Variants in FAM120B observed in about 807,000 individuals in gnomAD.
The protein encoded by FAM120B is constitutive coactivator of peroxisome proliferator-activated receptor gamma.
Under a neutral mutation model 96.3 loss-of-function variants are expected in FAM120B, and 83 were observed. The observed-to-expected ratio is 0.86, with a 90% CI of 0.72 to 1.03. The LOEUF (loss-of-function observed/expected upper bound fraction) is 1.03, where lower values mean the gene tolerates loss of function less well. FAM120B is among the 50% of genes least tolerant of loss of function. The probability of loss-of-function intolerance (pLI) is 0.00; values close to 1 mark genes in which losing one functional copy is unlikely to be tolerated. For missense variants in FAM120B, 1,027 were observed against 1,121.2 expected, an observed-to-expected ratio of 0.92 and a Z score of 1.20; for synonymous variants, 407 against 402.7, an observed-to-expected ratio of 1.01 and a Z score of -0.13.
chr6:170,343,121 G>T (rs534792830), intron 4 of FAM120B, among the ~76,000 whole-genome samples: 1 of 152,178 alleles, frequency 6.6e-6, no homozygotes, highest in Non-Finnish European at 1.5e-5. Context: ...ACCACTAGAA[G>T]AGAAGTGATC....
Position 170,391,098 on chromosome 6 carries a change from C to G in FAM120B, c.2576C>G (p.Ala859Gly). 1 of 1,614,038 alleles carries G rather than the reference C, an allele frequency of 6.2e-7. No homozygotes were observed. The highest frequency in any genetic ancestry group is 8.5e-7 in the Non-Finnish European group (1 of 1,179,896). The change falls in exon 8 of 11, where the codon GCC (alanine) becomes GGC (glycine). Residue 859 changes from alanine (A) to glycine (G), a missense_variant. Transcript: ENST00000476287. ...MKENRRITGRAHWGSHHAGRW... is the reference protein window; with the variant it reads ...MKENRRITGRGHWGSHHAGRW... ...GAGAACAGACGCATCACTGGCCGAGCCCACTGGGGCTCACACCACGCAGGT... is the reference window on the plus strand; with the variant it reads ...GAGAACAGACGCATCACTGGCCGAGGCCACTGGGGCTCACACCACGCAGGT...
chr6:170,395,690 G>C, intron 9 of FAM120B, 111 bp downstream of exon 9: 1 of 719,810 alleles, frequency 1.4e-6, no homozygotes. Flanking sequence ...TATAGTTCCA[G>C]TAAATAAACA....
chr6:170,359,478 C>G (rs753605345), intron 6 of FAM120B, among the ~76,000 whole-genome samples: 1 of 151,736 alleles, frequency 6.6e-6, no homozygotes, highest in Non-Finnish European at 1.5e-5. Flanking sequence ...TGCAATGGCT[C>G]AGTCCCTGCT....
chr6:170,353,606 A>C (rs765799464), intron 5 of FAM120B, among the ~76,000 whole-genome samples: 3 of 152,156 alleles, frequency 2.0e-5, no homozygotes, highest in Non-Finnish European at 2.9e-5. Flanking sequence ...CTCGGGATAT[A>C]AAATCGCCAG....
upstream of FAM120B, among the ~76,000 whole-genome samples, chr6:170,294,418 A>C (rs1038263303): frequency 1.3e-5 from 2 of 152,174 alleles, no homozygotes; most frequent in Non-Finnish European, 2.9e-5. The surrounding 1 kb of genome is among the most constrained non-coding windows in gnomAD (Gnocchi z 7.9). Flanking sequence ...ACAACCCCAC[A>C]GGCTGAGTAA....
intron 3 of FAM120B, among the ~76,000 whole-genome samples, chr6:170,330,233 G>A (rs1238744165): frequency 6.6e-6 from 1 of 152,156 alleles, no homozygotes; most frequent in Non-Finnish European, 1.5e-5. Context: ...TGAGGATTTT[G>A]TCGGTTCCAC....
intron 6 of FAM120B, among the ~76,000 whole-genome samples, chr6:170,365,157 C>T (rs1174780692): frequency 2.0e-5 from 3 of 152,220 alleles, no homozygotes; most frequent in African/African-American, 7.2e-5. Context: ...TGGCACTTTA[C>T]CCACATGGAA....
At chr6:170,374,493 A>G (rs530163078) in intron 6 of FAM120B, among the ~76,000 whole-genome samples, 1 of 152,322 alleles carries the variant, frequency 6.6e-6, no homozygotes, top group African/African-American at 2.4e-5. Context: ...GGAGTTTGCA[A>G]GTTCCTGCTT....
intron 6 of FAM120B, among the ~76,000 whole-genome samples, chr6:170,380,686 A>G (rs1435766884): frequency 6.6e-6 from 1 of 152,054 alleles, no homozygotes; most frequent in Non-Finnish European, 1.5e-5. Context: ...CCCATGTTTT[A>G]ATTGGGTTAT....
At chr6:170,371,731 C>T (rs746944160) in intron 6 of FAM120B, among the ~76,000 whole-genome samples, 4 of 152,226 alleles carry the variant, frequency 2.6e-5, no homozygotes, top group Non-Finnish European at 4.4e-5. Flanking sequence ...GCTCCTAGCA[C>T]GTGAGTCTTC....
At chr6:170,303,421 T>C (rs4310036), upstream of FAM120B, among the ~76,000 whole-genome samples, 18,527 of 152,178 alleles carry the variant, frequency 0.12, 1,397 homozygotes, top group East Asian at 0.31. Context: ...TAAAAATGTT[T>C]TGTAGAGATG....
Position 170,308,459 on chromosome 6 carries a change from T to A in FAM120B, c.-22+1617T>A, listed in dbSNP as rs574891257. Reference sequence around the variant, plus strand: ...CTGTGGCCCACTGAGAAAACTACAGTAGGTGACATCTGGGGTAACGTAGTT... The same window carrying A: ...CTGTGGCCCACTGAGAAAACTACAGAAGGTGACATCTGGGGTAACGTAGTT... On this transcript the variant is annotated intron_variant, in intron 1 of 10. Coordinates refer to ENST00000476287, the MANE Select transcript of FAM120B (RefSeq NM_032448.3). Among the ~76,000 whole-genome samples the A allele has an allele frequency of 2.0e-5, 3 of 152,092 alleles. No homozygotes were observed. The South Asian group carries it at 6.3e-4, about 32-fold the overall frequency.
Position 170,391,021 on chromosome 6 carries a change from G to A in FAM120B, c.2499G>A (p.Arg833=). The A allele has an allele frequency of 6.2e-7, 1 of 1,613,962 alleles. No homozygotes were observed. The highest frequency in any genetic ancestry group is 1.1e-5 in the South Asian group (1 of 91,064). ...VEVLLEQNRS[R]LTKFHNLKAV... ...ATCTGGTCTGTTTGCAGAGATCTCG[G>A]CTCACCAAATTCCACAACCTGAAGG... Residue 833 remains arginine (R), a synonymous_variant, in exon 8 of 11, where the codon CGG becomes CGA. Coordinates refer to ENST00000476287, the MANE Select transcript of FAM120B (RefSeq NM_032448.3).
At chr6:170,393,307 G>A (rs896155396) in intron 8 of FAM120B, among the ~76,000 whole-genome samples, 1 of 152,146 alleles carries the variant, frequency 6.6e-6, no homozygotes, top group Non-Finnish European at 1.5e-5. Context: ...CGGTTGTCAG[G>A]CCAAACTCCT....
chr6:170,350,417 C>T (rs1446797781), intron 5 of FAM120B, among the ~76,000 whole-genome samples: 1 of 152,184 alleles, frequency 6.6e-6, no homozygotes, highest in Admixed American at 6.5e-5. Context: ...GGAGGGTCCC[C>T]CATCTCCAGT....
chr6:170,368,819 C>CG (rs146799172), intron 6 of FAM120B, among the ~76,000 whole-genome samples: 1,493 of 26,092 alleles, frequency 0.057, 43 homozygotes, highest in African/African-American at 0.089. Flanking sequence ...TCTGCCGGGG[C>CG]TGGGGGGGGG....
chr6:170,342,457 C>G (rs756351250), intron 4 of FAM120B, among the ~76,000 whole-genome samples: 1 of 152,156 alleles, frequency 6.6e-6, no homozygotes, highest in Non-Finnish European at 1.5e-5. Context: ...GTAAAAAGCA[C>G]ATGTAAGTGC....
At chr6:170,395,390 T>G in intron 8 of FAM120B, 97 bp from the exon 9 acceptor site, 1 of 949,964 alleles carries the variant, frequency 1.1e-6, no homozygotes, top group Non-Finnish European at 1.7e-6. Context: ...ACGGGGATAC[T>G]GCTGACCTGG....
rs761772653 is a variant in FAM120B, at chr6:170,319,056, G to GACCCCACA, written c.1668_1675dup (p.Asn559ThrfsTer9). ...TACAAACCCTGAAATTAAACAAGAA[G>GACCCCACA]ACCCCACAAATGTGGGGCCTGAAGT... On this transcript the variant is annotated frameshift_variant, in exon 2 of 11. Coordinates refer to ENST00000476287, the MANE Select transcript of FAM120B (RefSeq NM_032448.3). LOFTEE classifies it high-confidence loss of function. 2 of 1,603,470 alleles carry GACCCCACA rather than the reference G, an allele frequency of 1.2e-6. No homozygotes were observed. The highest frequency in any genetic ancestry group is 1.7e-6 in the Non-Finnish European group (2 of 1,174,988).
Sources: allele counts gnomAD v4.1 joint callset (sites outside exome capture counted in the v4.1 genomes callset), GRCh38; gene constraint gnomAD v4.1.1; non-coding constraint Gnocchi (gnomAD v3.1); transcripts MANE v1.5; gene names NCBI Gene and HGNC (gene_info 2026-07-23, HGNC 2026-07-21).